The following ELMO3 variants were observed in gnomAD, a reference collection of about 807,000 sequenced individuals.
The protein encoded by ELMO3 is engulfment and cell motility 3.
A neutral mutation model predicts 89.0 loss-of-function variants in ELMO3; 81 were observed. The ratio of observed to expected loss-of-function variants is 0.91; its 90% CI spans 0.76 to 1.09. The LOEUF is 1.09. Among genes scored for constraint, ELMO3 ranks in the 50% least tolerant of loss-of-function variants. ELMO3 has a pLI of 0.00. For missense variants in ELMO3, 959 were observed against 972.8 expected, an observed-to-expected ratio of 0.99 and a Z score of 0.19; for synonymous variants, 406 against 400.6, an observed-to-expected ratio of 1.01 and a Z score of -0.16.
chr16:67,202,777 G>A lies in ELMO3; in HGVS notation c.1549G>A (p.Ala517Thr). ...ACGGCTGCACCAGGAGGGCACACTGGCTCCCCCTATACTGTGAGTCTGGGG... is the reference window on the plus strand; with the variant it reads ...ACGGCTGCACCAGGAGGGCACACTGACTCCCCCTATACTGTGAGTCTGGGG... ...TERLHQEGTL[A>T]PPILELREKL... Residue 517 changes from alanine (A) to threonine (T), a missense_variant, in exon 15 of 20, where the codon GCT becomes ACT. Transcript: ENST00000393997. 1 of 1,613,440 alleles carries A rather than the reference G, an allele frequency of 6.2e-7. No individual in the cohort carries two copies.
At chr16:67,200,401 C>T (rs764022939) in intron 5 of ELMO3, 40 bp downstream of exon 5, 2 of 1,611,778 alleles carry the variant, frequency 1.2e-6, no homozygotes, top group South Asian at 1.1e-5. Context: ...GATGGTGGGT[C>T]TTTCTGGTCC....
At chr16:67,201,482 T>A (rs1388125134) in intron 9 of ELMO3, 38 bp from the exon 10 acceptor site, 2 of 1,613,936 alleles carry the variant, frequency 1.2e-6, no homozygotes, top group Non-Finnish European at 1.7e-6. Flanking sequence ...TCCCTCCCCG[T>A]GAGCCCTCGC....
chr16:67,201,692 T>G (rs753320498), intron 10 of ELMO3, 50 bp downstream of exon 10: 3 of 1,608,164 alleles, frequency 1.9e-6, no homozygotes, highest in Non-Finnish European at 2.5e-6. Flanking sequence ...GAGCTTGGCC[T>G]TGAATCTATA....
chr16:67,200,946 G>T lies in ELMO3; in HGVS notation c.722G>T (p.Gly241Val). 6.2e-7 allele frequency: 1 copy of T among 1,609,484 alleles called. No homozygotes were observed. The highest frequency in any genetic ancestry group is 8.5e-7 in the Non-Finnish European group (1 of 1,178,786). Residue 241 changes from glycine (G) to valine (V), a missense_variant, in exon 8 of 20, where the codon GGG becomes GTG. Gly to Val is a moderately radical substitution (Grantham distance 109). Transcript: ENST00000393997. ...AMALLTALLQGASPVERKHML... is the reference protein window; with the variant it reads ...AMALLTALLQVASPVERKHML... Reference sequence around the variant, plus strand: ...GCCCTGCTGACAGCCTTGCTGCAGGGGGCCAGCCCTGTGGAACGCAAGGTG... The same window carrying T: ...GCCCTGCTGACAGCCTTGCTGCAGGTGGCCAGCCCTGTGGAACGCAAGGTG...
chr16:67,202,087 CAG>C lies in ELMO3; in HGVS notation c.1152+10_1152+11del, dbSNP rs1567692573. The C allele has an allele frequency of 2.5e-6, 4 of 1,605,848 alleles. No individual in the cohort carries two copies. On this transcript the variant is annotated intron_variant, in intron 12 of 19. Coordinates refer to ENST00000393997, the MANE Select transcript of ELMO3 (RefSeq NM_024712.5). ...CCAGCGCGTACAGCCGGGTCGGTGA[CAG>C]GGTAGGGTGGGGGGGTGGCAGCATC...
chr16:67,201,318 A>T, intron 8 of ELMO3, 67 bp from the exon 9 acceptor site: 1 of 1,601,954 alleles, frequency 6.2e-7, no homozygotes, highest in Non-Finnish European at 8.5e-7. Flanking sequence ...TGGCCTCCCA[A>T]AGTGCTGGGA....
At position 67,203,329 on chromosome 16, in the gene ELMO3, C is replaced by T. The variant is rs1211605085; in HGVS notation, c.1783C>T (p.Pro595Ser). The T allele has an allele frequency of 6.3e-7, 1 of 1,598,188 alleles. No individual in the cohort carries two copies. The highest frequency in any genetic ancestry group is 2.3e-5 in the East Asian group (1 of 44,256). The change falls in exon 18 of 20, where the codon CCT becomes TCT. Residue 595 changes from proline to serine, a missense_variant and splice_region_variant. Coordinates refer to ENST00000393997, the MANE Select transcript of ELMO3 (RefSeq NM_024712.5). The surrounding 1 kb of genome is among the most constrained non-coding windows in gnomAD (Gnocchi z 4.6). ...TCAGCCCAGCCTTCTTCCTGCAGTC[C>T]CTGTGGCCGACATGAGGGCACTCCT... The part of the protein sequence containing the change: ...PTLESLPEQL[P>S]VADMRALLTG...
Position 67,199,227 on chromosome 16 carries a change from G to A in ELMO3, c.-100G>A. The A allele has an allele frequency of 1.9e-6, 3 of 1,611,360 alleles. No homozygotes were observed. The highest frequency in any genetic ancestry group is 1.7e-5 in the Admixed American group (1 of 59,838). On this transcript the variant is annotated 5_prime_UTR_variant, in exon 1 of 20. Transcript: ENST00000393997. ...GGACACCGAGGTCAGGTCTCGGAAA[G>A]GGAGGACCTCCTCGTCCCCAGGGGC... is the stretch of plus-strand genomic sequence containing the variant.
At chr16:67,199,528 G>T (rs1368851714) in intron 1 of ELMO3, 25 bp from the exon 2 acceptor site, 7 of 1,351,508 alleles carry the variant, frequency 5.2e-6, no homozygotes, top group Admixed American at 2.0e-5. Context: ...TGCCCAGGCC[G>T]CGAGAATGAC....
rs899019977 is a variant in ELMO3, at chr16:67,200,964, G to T, written c.740G>T (p.Arg247Leu). Reference sequence around the variant, plus strand: ...CTGCAGGGGGCCAGCCCTGTGGAACGCAAGGTGAGTGTCGATCGGTGGCTA... The same window carrying T: ...CTGCAGGGGGCCAGCCCTGTGGAACTCAAGGTGAGTGTCGATCGGTGGCTA... ...ALLQGASPVE[R>L]KHMLDYLWQR... The change falls in exon 8 of 20, where the codon CGC becomes CTC. Residue 247 changes from arginine (R) to leucine (L), a missense_variant. Transcript: ENST00000393997. The T allele has an allele frequency of 1.9e-6, 3 of 1,603,210 alleles. No homozygotes were observed. Among genetic ancestry groups the T allele is most frequent in the Non-Finnish European group, 1.7e-6 (2 of 1,177,220 alleles).
Position 67,201,571 on chromosome 16 carries a change from T to G in ELMO3, c.847T>G (p.Tyr283Asp). The G allele has an allele frequency of 3.7e-6, 6 of 1,614,012 alleles. No homozygotes were observed. The highest frequency in any genetic ancestry group is 5.1e-6 in the Non-Finnish European group (6 of 1,180,038). Residue 283 changes from tyrosine to aspartate, a missense_variant, in exon 10 of 20, where the codon TAC (tyrosine) becomes GAC (aspartate). Tyr to Asp is a radical substitution (Grantham distance 160). Transcript: ENST00000393997. ...PMGDEMAHHL[Y>D]VLQALMLGLL... Reference sequence around the variant, plus strand: ...GGGCGACGAGATGGCTCATCACCTGTACGTACTGCAGGCTCTCATGCTGGG... The same window carrying G: ...GGGCGACGAGATGGCTCATCACCTGGACGTACTGCAGGCTCTCATGCTGGG...
intron 4 of ELMO3, 32 bp from the exon 5 acceptor site, chr16:67,200,160 C>T (rs1177883129): frequency 3.7e-6 from 6 of 1,602,008 alleles, no homozygotes; most frequent in East Asian, 2.2e-5. Context: ...TGCCCAGCCT[C>T]TTCACCTCTG....
rs766828979 is a variant in ELMO3 at position 67,201,608 on chromosome 16, C to G, written c.884C>G (p.Pro295Arg). The G allele has an allele frequency of 1.9e-6, 3 of 1,613,630 alleles. No individual in the cohort carries two copies. Among genetic ancestry groups the G allele is most frequent in the Non-Finnish European group, 2.5e-6 (3 of 1,180,034 alleles). Residue 295 changes from proline (P) to arginine (R), a missense_variant, in exon 10 of 20, where the codon CCG (proline) becomes CGG (arginine). Transcript: ENST00000393997. ...GCTCTCATGCTGGGGCTGCTGGAGC[C>G]GCGCATGCGGACGCCCCTGGACCCC... ...LQALMLGLLE[P>R]RMRTPLDPYS...
rs3830473 is a variant in ELMO3, at chr16:67,203,028, GGGCAGAGGGCA to G, written c.1675+46_1675+56del. 2.5e-3 allele frequency: 4,022 copies of G among 1,602,992 alleles called. 69 individuals are homozygous for G. In the East Asian group the frequency reaches 0.053, roughly 21 times the overall value. ...GGGTCTCTGAATGGGCATGGGCAGGGGGCAGAGGGCAGGCAGAGGGCAGGCAGAGGGCGGCT... is the reference window on the plus strand; with the variant it reads ...GGGTCTCTGAATGGGCATGGGCAGGGGGCAGAGGGCAGGCAGAGGGCGGCT... On this transcript the variant is annotated intron_variant, in intron 16 of 19. Coordinates refer to ENST00000393997, the MANE Select transcript of ELMO3 (RefSeq NM_024712.5). This position sits in a 1 kb window ranked among gnomAD's most constrained non-coding sequence, Gnocchi z 4.6.
rs1182993217 is a variant in ELMO3, at chr16:67,200,009, C to T, written c.243+8C>T. The T allele has an allele frequency of 1.2e-6, 2 of 1,613,486 alleles. No individual in the cohort carries two copies. The highest frequency in any genetic ancestry group is 1.7e-6 in the Non-Finnish European group (2 of 1,180,002). On this transcript the variant is annotated splice_region_variant and intron_variant, in intron 4 of 19. Transcript: ENST00000393997. ...TGCCTCAGCACGGCCCCAGTAATGC[C>T]CCTCCCGTCCCGCCTTCCCCATCCC...
chr16:67,203,982 T>A lies in ELMO3; in HGVS notation c.*105T>A, dbSNP rs2033191097. 2 of 1,063,410 alleles carry A rather than the reference T, an allele frequency of 1.9e-6. No individual in the cohort carries two copies. Among genetic ancestry groups the A allele is most frequent in the Non-Finnish European group, 2.6e-6 (2 of 757,266 alleles). The allele number at this position is 1,063,410 out of a possible 1,614,324, so 65.9% of individuals were successfully genotyped here. A position where few individuals can be genotyped will look rare whatever the true frequency, so the allele number is the denominator to read the frequency against. The stretch of plus-strand genomic sequence containing the variant: ...TGACCAGCAGAGATTGCTGCAGAAA[T>A]AAAGTCTGCTTGGCTCTTGGGATAT... On this transcript the variant is annotated 3_prime_UTR_variant, in exon 20 of 20. Coordinates refer to ENST00000393997, the MANE Select transcript of ELMO3 (RefSeq NM_024712.5). This position sits in a 1 kb window ranked among gnomAD's most constrained non-coding sequence, Gnocchi z 4.6.
chr16:67,200,350 A>T lies in ELMO3; in HGVS notation c.402A>T (p.Glu134Asp). The change falls in exon 5 of 20, where the codon GAA becomes GAT. Residue 134 changes from glutamate (E) to aspartate (D), a missense_variant. Transcript: ENST00000393997. ...TCCAGATACTAGGCACCATCATTGA[A>T]GATGGGGACGAGTGAGCACAGGGAT... ...NGLQILGTII[E>D]DGDDLGEVLA... 50 of 1,613,924 alleles carry T rather than the reference A, an allele frequency of 3.1e-5. No individual in the cohort carries two copies. Among genetic ancestry groups the T allele is most frequent in the Non-Finnish European group, 4.2e-5 (50 of 1,180,010 alleles).
At chr16:67,199,474 C>CGG in intron 1 of ELMO3, 70 bp downstream of exon 1, 2 of 1,539,250 alleles carry the variant, frequency 1.3e-6, no homozygotes, top group Non-Finnish European at 1.8e-6. Flanking sequence ...GCCCTCGGGG[C>CGG]AGCCCGCCCC....
In ELMO3 at chr16:67,203,283, G is replaced by A. The variant is rs1241033882; in HGVS notation, c.1781-44G>A. The A allele has an allele frequency of 6.3e-7, 1 of 1,585,848 alleles. No homozygotes were observed. Among genetic ancestry groups the A allele is most frequent in the Non-Finnish European group, 8.5e-7 (1 of 1,170,212 alleles). On this transcript the variant is annotated intron_variant, in intron 17 of 19. Coordinates refer to ENST00000393997, the MANE Select transcript of ELMO3 (RefSeq NM_024712.5). This position sits in a 1 kb window ranked among gnomAD's most constrained non-coding sequence, Gnocchi z 4.6. ...TCTCCCCAGACCGCCCTGGGCCCCG[G>A]GGCTGCCAGGGCTGCAGTGCTCAGC...
Sources: allele counts gnomAD v4.1 joint callset, GRCh38; gene constraint gnomAD v4.1.1; non-coding constraint Gnocchi (gnomAD v3.1); transcripts MANE v1.5; gene names NCBI Gene and HGNC (gene_info 2026-07-23, HGNC 2026-07-21).